Variants in ASIC2 observed in about 807,000 individuals in gnomAD.
The protein encoded by ASIC2 is acid sensing ion channel subunit 2.
ASIC2 carries 25 observed loss-of-function variants against 57.3 expected under a neutral mutation model. The ratio of observed to expected loss-of-function variants is 0.44; its 90% CI spans 0.32 to 0.61. The LOEUF (loss-of-function observed/expected upper bound fraction) is 0.61, where lower values mean the gene tolerates loss of function less well. Ranked by LOEUF, ASIC2 falls within the 20% of genes least tolerant of loss-of-function variation. The pLI is 0.06. For missense variants in ASIC2, 641 were observed against 738.1 expected, an observed-to-expected ratio of 0.87 and a Z score of 1.52; for synonymous variants, 319 against 307.5, an observed-to-expected ratio of 1.04 and a Z score of -0.39.
intron 1 of ASIC2, among the ~76,000 whole-genome samples, chr17:33,909,702 T>C (rs374317653): frequency 1.3e-5 from 2 of 152,268 alleles, no homozygotes; most frequent in African/African-American, 4.8e-5. Flanking sequence ...ATTTTGCTTC[T>C]TCATTTATCC....
intron 1 of ASIC2, among the ~76,000 whole-genome samples, chr17:33,635,834 T>C (rs1466930064): frequency 2.0e-5 from 3 of 152,152 alleles, no homozygotes; most frequent in Admixed American, 1.3e-4. Context: ...CGCCATGATC[T>C]CTTACTGAAA....
intron 1 of ASIC2, among the ~76,000 whole-genome samples, chr17:33,853,581 G>A (rs114585843): frequency 0.012 from 1,817 of 152,320 alleles, 38 homozygotes; most frequent in African/African-American, 0.042. Context: ...AAGAGTCATG[G>A]GTGGCCCATT....
chr17:33,369,366 G>A (rs1243985747), intron 1 of ASIC2, among the ~76,000 whole-genome samples: 2 of 152,194 alleles, frequency 1.3e-5, no homozygotes, highest in South Asian at 2.1e-4. Flanking sequence ...CAAGCCCAGA[G>A]GTAGCAATTA....
intron 1 of ASIC2, among the ~76,000 whole-genome samples, chr17:33,184,532 A>C (rs763083749): frequency 1.3e-5 from 2 of 152,108 alleles, no homozygotes; most frequent in Non-Finnish European, 2.9e-5. Context: ...TTCATGATAA[A>C]CTTTGCAAAT....
At chr17:33,653,751 G>T (rs914667397) in intron 1 of ASIC2, among the ~76,000 whole-genome samples, 3 of 152,156 alleles carry the variant, frequency 2.0e-5, no homozygotes, top group Non-Finnish European at 2.9e-5. Flanking sequence ...TGATATAGAA[G>T]AAGAAACATG....
intron 1 of ASIC2, among the ~76,000 whole-genome samples, chr17:33,116,145 G>A (rs1025949645): frequency 2.6e-5 from 4 of 152,232 alleles, no homozygotes; most frequent in Admixed American, 6.5e-5. Context: ...AGAGGCTCAC[G>A]GAAAGCGAAA....
chr17:34,038,857 C>T, intron 1 of ASIC2: 2 of 1,612,404 alleles, frequency 1.2e-6, no homozygotes, highest in Non-Finnish European at 1.7e-6. Context: ...CTAACATTTT[C>T]CGTTGTCTTT....
At chr17:33,455,509 A>T (rs1043101170) in intron 1 of ASIC2, among the ~76,000 whole-genome samples, 1 of 152,244 alleles carries the variant, frequency 6.6e-6, no homozygotes, top group Non-Finnish European at 1.5e-5. Flanking sequence ...CGTTGCTGCA[A>T]AGGACATGAT....
chr17:33,519,049 T>G (rs1914661784), intron 1 of ASIC2, among the ~76,000 whole-genome samples: 1 of 152,004 alleles, frequency 6.6e-6, no homozygotes, highest in South Asian at 2.1e-4. Flanking sequence ...CTCGATCTCC[T>G]GACCTCGTGA....
At chr17:33,074,217 T>C (rs1390543081) in intron 3 of ASIC2, among the ~76,000 whole-genome samples, 1 of 152,230 alleles carries the variant, frequency 6.6e-6, no homozygotes, top group Non-Finnish European at 1.5e-5. Context: ...GTTATGTTTT[T>C]CTATTTTTGT....
rs74895717 is a variant in ASIC2 at position 33,159,580 on chromosome 17, C to T, written c.709-47513G>A. 9.7e-3 allele frequency among the ~76,000 whole-genome samples: 1,472 copies of T among 152,284 alleles called. 9 individuals are homozygous for T. Among genetic ancestry groups the T allele is most frequent in the Non-Finnish European group, 0.013 (898 of 68,022 alleles). Reference sequence around the variant, plus strand: ...AGTTACCTGGCCTGGGCTTCTTCCACGCCACATGACCTGCCTAGGCCAGTT... The same window carrying T: ...AGTTACCTGGCCTGGGCTTCTTCCATGCCACATGACCTGCCTAGGCCAGTT... On this transcript the variant is annotated intron_variant, in intron 1 of 9. Coordinates refer to ENST00000225823, the MANE Select transcript of ASIC2 (RefSeq NM_183377.2).
intron 1 of ASIC2, among the ~76,000 whole-genome samples, chr17:33,668,753 G>A (rs1907559018): frequency 6.6e-6 from 1 of 152,194 alleles, no homozygotes; most frequent in Non-Finnish European, 1.5e-5. Context: ...AGATGGTTGT[G>A]AGGGCAGAGG....
chr17:33,901,661 C>A (rs1438701762), intron 1 of ASIC2, among the ~76,000 whole-genome samples: 1 of 152,096 alleles, frequency 6.6e-6, no homozygotes, highest in Non-Finnish European at 1.5e-5. Context: ...GGGGTCTGAA[C>A]AAGTTCATCC....
chr17:33,114,254 T>C (rs2092271923), intron 1 of ASIC2, among the ~76,000 whole-genome samples: 1 of 152,232 alleles, frequency 6.6e-6, no homozygotes, highest in Admixed American at 6.5e-5. Flanking sequence ...CCAAGTTTTT[T>C]CATAACTATT....
intron 1 of ASIC2, among the ~76,000 whole-genome samples, chr17:33,973,305 C>A (rs1008730499): frequency 6.6e-6 from 1 of 152,184 alleles, no homozygotes; most frequent in African/African-American, 2.4e-5. Context: ...CAGCACAACC[C>A]AGTGGAGACA....
At chr17:33,786,427 T>C (rs549924064) in intron 1 of ASIC2, among the ~76,000 whole-genome samples, 66 of 152,208 alleles carry the variant, frequency 4.3e-4, no homozygotes, top group African/African-American at 1.6e-3. Flanking sequence ...AAAGAAAAAC[T>C]GAAGGTGGCA....
intron 1 of ASIC2, among the ~76,000 whole-genome samples, chr17:34,133,304 G>C (rs563005449): frequency 5.3e-5 from 8 of 149,786 alleles, no homozygotes; most frequent in African/African-American, 2.0e-4. Context: ...GGAAGGGGTA[G>C]TGTCCCTGGG....
intron 1 of ASIC2, among the ~76,000 whole-genome samples, chr17:33,746,472 GTATGTATATCTACATA>G (rs1910272680): frequency 6.7e-6 from 1 of 150,180 alleles, no homozygotes; most frequent in East Asian, 2.0e-4. Flanking sequence ...ATGTGTATAT[GTATGTATATCTACATA>G]TATGTATATA....
chr17:34,117,917 A>G (rs1478348025), intron 1 of ASIC2, among the ~76,000 whole-genome samples: 1 of 152,180 alleles, frequency 6.6e-6, no homozygotes, highest in Non-Finnish European at 1.5e-5. Flanking sequence ...AGGACATTAC[A>G]CTATCCAGTC....
Sources: allele counts gnomAD v4.1 joint callset (sites outside exome capture counted in the v4.1 genomes callset), GRCh38; gene constraint gnomAD v4.1.1; transcripts MANE v1.5; gene names NCBI Gene and HGNC (gene_info 2026-07-23, HGNC 2026-07-21).